The following SETBP1 variants were observed in gnomAD, a reference collection of about 807,000 sequenced individuals.
SETBP1 encodes the protein SET binding protein 1.
In SETBP1, 9 loss-of-function variants were observed where a neutral mutation model predicts 101.0. The observed-to-expected ratio is 0.09, with a 90% CI of 0.05 to 0.16. The LOEUF (loss-of-function observed/expected upper bound fraction) is 0.16. Among genes scored for constraint, SETBP1 ranks in the 10% least tolerant of loss-of-function variants. SETBP1 has a pLI of 1.00. For missense variants in SETBP1, 1,858 were observed against 2,033.8 expected (o/e 0.91, Z 1.66); for synonymous variants, 818 against 788.5 (o/e 1.04, Z -0.63).
intron 2 of SETBP1, among the ~76,000 whole-genome samples, chr18:44,813,221 A>C (rs1021762044): frequency 5.3e-5 from 8 of 152,200 alleles, no homozygotes; most frequent in Admixed American, 1.3e-4. Flanking sequence ...CTTTCAGGCT[A>C]TCTTTGAAAT....
rs151266328 is a variant in SETBP1, at chr18:44,777,664, G to A, written c.486+75832G>A. On this transcript the variant is annotated intron_variant, in intron 2 of 5. Coordinates refer to ENST00000649279, the MANE Select transcript of SETBP1 (RefSeq NM_015559.3). ...GGACACAGGAGGTTCCTGGACACCC[G>A]TCAAGGAGGAAAGCAGGGATGCATG... Among the ~76,000 whole-genome samples, 10 of 152,262 alleles carry A rather than the reference G, an allele frequency of 6.6e-5. No homozygotes were observed. In the East Asian group the frequency reaches 1.7e-3, roughly 26 times the overall value.
At chr18:44,921,705 A>G (rs1412863668) in intron 3 of SETBP1, among the ~76,000 whole-genome samples, 1 of 152,212 alleles carries the variant, frequency 6.6e-6, no homozygotes, top group Non-Finnish European at 1.5e-5. Flanking sequence ...GGAGGGCAGC[A>G]GCAAGTAACT....
chr18:44,788,941 TACAGGCGCACACC>T (rs1425006923), intron 2 of SETBP1, among the ~76,000 whole-genome samples: 1 of 151,812 alleles, frequency 6.6e-6, no homozygotes, highest in African/African-American at 2.4e-5. Context: ...TAGCCGGGAC[TACAGGCGCACACC>T]ACTCCTCCTG....
chr18:44,698,262 C>T (rs1306374266), intron 1 of SETBP1, among the ~76,000 whole-genome samples: 1 of 152,184 alleles, frequency 6.6e-6, no homozygotes, highest in Non-Finnish European at 1.5e-5. Context: ...CATCAGATTC[C>T]CTTAATCCAA....
chr18:44,890,627 C>A (rs904122250), intron 3 of SETBP1, among the ~76,000 whole-genome samples: 1 of 152,060 alleles, frequency 6.6e-6, no homozygotes, highest in Non-Finnish European at 1.5e-5. Flanking sequence ...TCAGCCTACA[C>A]CTGGAAGAAG....
intron 2 of SETBP1, among the ~76,000 whole-genome samples, chr18:44,860,724 G>T (rs370472141): frequency 1.1e-4 from 17 of 150,756 alleles, no homozygotes; most frequent in African/African-American, 4.2e-4. Flanking sequence ...TCCAGCCTGG[G>T]TGACAAGAGT....
intron 2 of SETBP1, among the ~76,000 whole-genome samples, chr18:44,793,785 C>G (rs1007710116): frequency 6.6e-6 from 1 of 152,180 alleles, no homozygotes; most frequent in African/African-American, 2.4e-5. Flanking sequence ...ATCCAGAACT[C>G]TTTTAATTAT....
chr18:44,713,743 T>C (rs2069396666), intron 2 of SETBP1, among the ~76,000 whole-genome samples: 1 of 152,262 alleles, frequency 6.6e-6, no homozygotes, highest in South Asian at 2.1e-4. Context: ...TGTCTTATGC[T>C]ACTTTTGCTG....
At chr18:45,021,524 C>A (rs1339183381) in intron 4 of SETBP1, among the ~76,000 whole-genome samples, 2 of 152,144 alleles carry the variant, frequency 1.3e-5, no homozygotes, top group Admixed American at 1.3e-4. Flanking sequence ...CTCCCATTTT[C>A]TTTCGTGTGT....
Position 45,022,158 on chromosome 18 carries a change from G to T in SETBP1, c.4001-16327G>T, listed in dbSNP as rs2073084299. 3.9e-5 allele frequency among the ~76,000 whole-genome samples: 6 copies of T among 152,112 alleles called. No homozygotes were observed. The South Asian group carries it at 1.0e-3, about 26-fold the overall frequency. On this transcript the variant is annotated intron_variant, in intron 4 of 5. Transcript: ENST00000649279. ...TCTTTTCCATGGCTGAGTGTTTATGGTTCTACATAGACATCCTTCATGACT... is the reference window on the plus strand; with the variant it reads ...TCTTTTCCATGGCTGAGTGTTTATGTTTCTACATAGACATCCTTCATGACT...
At chr18:44,729,704 G>A (rs2069792079) in intron 2 of SETBP1, among the ~76,000 whole-genome samples, 1 of 152,208 alleles carries the variant, frequency 6.6e-6, no homozygotes, top group African/African-American at 2.4e-5. Context: ...AAAACCATGG[G>A]TGTGGCTTAA....
At chr18:44,855,292 T>G (rs1339109127) in intron 2 of SETBP1, among the ~76,000 whole-genome samples, 2 of 152,146 alleles carry the variant, frequency 1.3e-5, no homozygotes, top group Non-Finnish European at 2.9e-5. Flanking sequence ...GGTTTTTATT[T>G]GTTTGTTTTT....
At chr18:44,986,149 T>C (rs1449381343) in intron 4 of SETBP1, 1 of 152,224 alleles carries the variant, frequency 6.6e-6, no homozygotes, top group Non-Finnish European at 1.5e-5. Flanking sequence ...AGCTATATGG[T>C]GTAGCCTTTT....
At chr18:44,852,853 A>G (rs113290108) in intron 2 of SETBP1, among the ~76,000 whole-genome samples, 2 of 152,256 alleles carry the variant, frequency 1.3e-5, no homozygotes, top group African/African-American at 4.8e-5. Context: ...TGGTGGCCCC[A>G]TGAAAGCAGT....
intron 3 of SETBP1, among the ~76,000 whole-genome samples, chr18:44,875,941 A>G (rs2069393168): frequency 6.6e-6 from 1 of 152,196 alleles, no homozygotes; most frequent in South Asian, 2.1e-4. Context: ...GACCAGTGTG[A>G]CCACTGGTAA....
intron 3 of SETBP1, chr18:44,877,012 A>G: frequency 8.5e-7 from 1 of 1,174,324 alleles, no homozygotes; most frequent in Non-Finnish European, 1.1e-6. Flanking sequence ...GCTTGATCCC[A>G]TGAGTTTGCT....
chr18:45,017,928 G>A (rs1033895374), intron 4 of SETBP1, among the ~76,000 whole-genome samples: 2 of 152,214 alleles, frequency 1.3e-5, no homozygotes, highest in Non-Finnish European at 1.5e-5. Context: ...AGTCCTGGCT[G>A]CTCTCAGTGA....
intron 3 of SETBP1, among the ~76,000 whole-genome samples, chr18:44,941,524 G>C (rs1181182356): frequency 6.6e-6 from 1 of 151,982 alleles, no homozygotes; most frequent in African/African-American, 2.4e-5. Context: ...GATTCGTTGA[G>C]CTTCTTAGCT....
intron 4 of SETBP1, among the ~76,000 whole-genome samples, chr18:44,962,040 T>C (rs1211475823): frequency 6.6e-6 from 1 of 152,188 alleles, no homozygotes; most frequent in African/African-American, 2.4e-5. Flanking sequence ...ACCCAGCATA[T>C]AGCATAGTGC....
Sources: gnomAD v4.1 joint callset for allele counts (sites outside exome capture counted in the v4.1 genomes callset) on GRCh38, gnomAD v4.1.1 for gene constraint, MANE v1.5 for transcripts, NCBI Gene and HGNC (gene_info 2026-07-23, HGNC 2026-07-21) for gene names.